The following EPHA6 variants were observed in gnomAD, a reference collection of about 807,000 sequenced individuals.
EPHA6 encodes the protein EPH receptor A6.
Under a neutral mutation model 112.0 loss-of-function variants are expected in EPHA6, and 50 were observed. The ratio of observed to expected loss-of-function variants is 0.45; its 90% confidence interval spans 0.36 to 0.56. The LOEUF is 0.56. EPHA6 is among the 20% of genes least tolerant of loss of function. The pLI, the probability that EPHA6 is intolerant of heterozygous loss-of-function variation, is 0.00. For missense variants in EPHA6, 1,280 were observed against 1,417.4 expected, an observed-to-expected ratio of 0.90 and a Z score of 1.56; for synonymous variants, 529 against 490.7, an observed-to-expected ratio of 1.08 and a Z score of -1.03.
chr3:97,423,549 T>C (rs1340337246), intron 6 of EPHA6, among the ~76,000 whole-genome samples: 1 of 152,124 alleles, frequency 6.6e-6, no homozygotes, highest in Non-Finnish European at 1.5e-5. Flanking sequence ...ATAGAAAGAA[T>C]TCTTATTATT....
intron 6 of EPHA6, among the ~76,000 whole-genome samples, chr3:97,441,762 C>A (rs560347236): frequency 6.6e-6 from 1 of 151,976 alleles, no homozygotes; most frequent in Non-Finnish European, 1.5e-5. Context: ...TGCTAGTATA[C>A]AGGAAAACCA....
At chr3:96,878,221 T>A (rs548663554) in intron 2 of EPHA6, among the ~76,000 whole-genome samples, 3 of 151,970 alleles carry the variant, frequency 2.0e-5, no homozygotes, top group African/African-American at 7.2e-5. Flanking sequence ...AGCATTATAC[T>A]AATCGTTTGG....
chr3:96,950,499 A>G (rs2041480775), intron 2 of EPHA6, among the ~76,000 whole-genome samples: 1 of 152,090 alleles, frequency 6.6e-6, no homozygotes, highest in African/African-American at 2.4e-5. Context: ...TCTTTTTCTC[A>G]GTTATAATAT....
intron 6 of EPHA6, chr3:97,439,537 A>C (rs1577416969): frequency 3.0e-6 from 2 of 657,634 alleles, no homozygotes; most frequent in South Asian, 1.4e-4. Flanking sequence ...AAAGACAACA[A>C]CTCTGTTGGT....
chr3:97,498,296 T>C (rs1413080762), intron 10 of EPHA6, among the ~76,000 whole-genome samples: 2 of 143,742 alleles, frequency 1.4e-5, no homozygotes, highest in African/African-American at 5.2e-5. Flanking sequence ...AGTTTCTAAA[T>C]GTGCATAGCC....
At chr3:97,640,792 A>G (rs2093996551) in intron 14 of EPHA6, among the ~76,000 whole-genome samples, 1 of 152,050 alleles carries the variant, frequency 6.6e-6, no homozygotes, top group Non-Finnish European at 1.5e-5. Flanking sequence ...AAAAAAAAAC[A>G]AAAGATATTA....
At chr3:97,094,344 G>A (rs1013350000) in intron 3 of EPHA6, among the ~76,000 whole-genome samples, 2 of 152,056 alleles carry the variant, frequency 1.3e-5, no homozygotes, top group Non-Finnish European at 2.9e-5. Flanking sequence ...TGACTTGGTA[G>A]AATTTAATAT....
chr3:97,395,103 C>T (rs1366616623), intron 5 of EPHA6, among the ~76,000 whole-genome samples: 2 of 151,382 alleles, frequency 1.3e-5, no homozygotes, highest in Non-Finnish European at 3.0e-5. Context: ...ATTGGTTTAA[C>T]ATACTACAAT....
At chr3:97,123,665 G>A (rs998124933) in intron 3 of EPHA6, among the ~76,000 whole-genome samples, 1 of 152,030 alleles carries the variant, frequency 6.6e-6, no homozygotes, top group Non-Finnish European at 1.5e-5. Flanking sequence ...TAGAGAGAAA[G>A]GGTCAATAGA....
chr3:96,885,254 G>A (rs1238804036), intron 2 of EPHA6, among the ~76,000 whole-genome samples: 1 of 152,106 alleles, frequency 6.6e-6, no homozygotes, highest in African/African-American at 2.4e-5. Context: ...GAATTAGGGA[G>A]GGTGGCTTCT....
chr3:97,407,376 C>G (rs1214356243), intron 6 of EPHA6, among the ~76,000 whole-genome samples: 2 of 136,156 alleles, frequency 1.5e-5, no homozygotes, highest in Non-Finnish European at 3.0e-5. Context: ...ACACACACAC[C>G]TTTTTAAAAT....
intron 5 of EPHA6, among the ~76,000 whole-genome samples, chr3:97,383,506 CCAA>C (rs1231247838): frequency 5.9e-5 from 9 of 152,008 alleles, no homozygotes; most frequent in African/African-American, 2.2e-4. Context: ...TAATCAAGTA[CCAA>C]TGGATGACAT....
intron 6 of EPHA6, among the ~76,000 whole-genome samples, chr3:97,427,890 G>A (rs1046732438): frequency 6.6e-6 from 1 of 150,546 alleles, no homozygotes; most frequent in African/African-American, 2.4e-5. Context: ...ACACAAGGAA[G>A]GGAACAATAG....
intron 3 of EPHA6, among the ~76,000 whole-genome samples, chr3:96,989,283 G>C (rs1204057232): frequency 6.6e-6 from 1 of 152,138 alleles, no homozygotes; most frequent in Non-Finnish European, 1.5e-5. Context: ...CAAGCTGCCA[G>C]TGATGATTAT....
intron 11 of EPHA6, chr3:97,559,515 A>G: frequency 2.5e-6 from 1 of 401,986 alleles, no homozygotes; most frequent in South Asian, 1.8e-5. Context: ...GGCACAAAGA[A>G]ATCAGAGTGA....
intron 5 of EPHA6, among the ~76,000 whole-genome samples, chr3:97,285,041 G>C (rs1186064575): frequency 6.6e-6 from 1 of 152,022 alleles, no homozygotes; most frequent in Non-Finnish European, 1.5e-5. Flanking sequence ...AACTTGTTCA[G>C]CCTCTGGAAT....
chr3:97,047,612 CT>C (rs1319078901), intron 3 of EPHA6, among the ~76,000 whole-genome samples: 15 of 149,520 alleles, frequency 1.0e-4, no homozygotes, highest in African/African-American at 3.7e-4. Flanking sequence ...AATAGGAAAA[CT>C]TTGTACAGAT....
intron 10 of EPHA6, among the ~76,000 whole-genome samples, chr3:97,509,925 T>C (rs994502757): frequency 3.3e-5 from 5 of 152,218 alleles, no homozygotes; most frequent in African/African-American, 1.2e-4. Flanking sequence ...TCATGCTTTA[T>C]TTCATTAAAT....
chr3:97,227,145 T>A (rs1233494729), intron 4 of EPHA6, among the ~76,000 whole-genome samples: 10 of 152,158 alleles, frequency 6.6e-5, no homozygotes, highest in Non-Finnish European at 1.5e-5. Flanking sequence ...CCCTTAGATT[T>A]TTTTTAAAGT....
Sources: allele counts gnomAD v4.1 joint callset (sites outside exome capture counted in the v4.1 genomes callset), GRCh38; gene constraint gnomAD v4.1.1; transcripts MANE v1.5; gene names NCBI Gene and HGNC (gene_info 2026-07-23, HGNC 2026-07-21).